BCLAF3: variants seen among roughly 807,000 people sequenced by gnomAD.
BCLAF3 encodes the protein transient octamer binding factor 1.
Under a neutral mutation model 51.2 loss-of-function variants are expected in BCLAF3, and 24 were observed. That is an observed-to-expected ratio of 0.47 (90% confidence interval 0.34 to 0.66). The LOEUF (loss-of-function observed/expected upper bound fraction) is 0.66. Among genes scored for constraint, BCLAF3 ranks in the 30% least tolerant of loss-of-function variants. BCLAF3 has a pLI of 0.01. For missense variants in BCLAF3, 465 were observed against 525.1 expected (o/e 0.89, Z 1.12); for synonymous variants, 152 against 176.6 (o/e 0.86, Z 1.10).
intron 8 of BCLAF3, among the ~76,000 whole-genome samples, chrX:19,941,042 T>C (rs1325996391): frequency 3.6e-4 from 40 of 111,011 alleles, no homozygotes; most frequent in African/African-American, 1.2e-3. Flanking sequence ...CATTTTTTCA[T>C]GTGTTTTTTG....
At chrX:19,933,905 G>A (rs1212441002) in intron 10 of BCLAF3, among the ~76,000 whole-genome samples, 2 of 110,939 alleles carry the variant, frequency 1.8e-5, no homozygotes, top group African/African-American at 6.6e-5. Flanking sequence ...TGAGTAGCTG[G>A]GACTACAGTA....
At chrX:19,959,272 C>T (rs1024206522) in intron 4 of BCLAF3, among the ~76,000 whole-genome samples, 3 of 111,744 alleles carry the variant, frequency 2.7e-5, no homozygotes, top group African/African-American at 9.8e-5. Flanking sequence ...TGGTACCACC[C>T]ATCTTCTGCT....
At chrX:19,922,033 A>G (rs149450311) in intron 11 of BCLAF3, among the ~76,000 whole-genome samples, 5,663 of 110,893 alleles carry the variant, frequency 0.051, 377 homozygotes, top group African/African-American at 0.18. Context: ...AAAAATAATA[A>G]AATGAATAAT....
chrX:19,922,398 T>C (rs1365644109), intron 11 of BCLAF3, among the ~76,000 whole-genome samples: 1 of 111,873 alleles, frequency 8.9e-6, no homozygotes, highest in Non-Finnish European at 1.9e-5. Flanking sequence ...TTGAATACTA[T>C]ATTATTCTAC....
Position 19,955,375 on chromosome X carries a change from T to C in BCLAF3, c.1450+16A>G, listed in dbSNP as rs374228333. On this transcript the variant is annotated intron_variant, in intron 5 of 11. Transcript: ENST00000379682. The stretch of plus-strand genomic sequence containing the variant: ...ACTTTTGTGTTATCCCTAACGTATG[T>C]GCAAAATATACCAACCTTTAACTTG... 1 of 1,174,051 alleles carries C rather than the reference T, an allele frequency of 8.5e-7. No homozygotes were observed. Among genetic ancestry groups the C allele is most frequent in the African/African-American group, 1.8e-5 (1 of 55,853 alleles).
At chrX:19,923,082 A>C (rs2070227720) in intron 11 of BCLAF3, 1 of 112,123 alleles carries the variant, frequency 8.9e-6, no homozygotes, top group South Asian at 3.6e-4. Flanking sequence ...AACAGTTTTA[A>C]GACTGTCAGT....
At chrX:19,922,773 G>A (rs1023562978) in intron 11 of BCLAF3, among the ~76,000 whole-genome samples, 7 of 110,595 alleles carry the variant, frequency 6.3e-5, no homozygotes, top group Non-Finnish European at 1.1e-4. Context: ...TGTGGCATGC[G>A]CCTGTTGTAC....
intron 8 of BCLAF3, among the ~76,000 whole-genome samples, chrX:19,941,797 A>C (rs1405256871): frequency 2.1e-5 from 2 of 93,220 alleles, no homozygotes; most frequent in Non-Finnish European, 4.2e-5. Flanking sequence ...AGTTTTTTCC[A>C]ATTCTGTGAA....
At chrX:19,947,740 C>T (rs1378205219) in intron 8 of BCLAF3, among the ~76,000 whole-genome samples, 3 of 111,765 alleles carry the variant, frequency 2.7e-5, no homozygotes, top group Non-Finnish European at 5.6e-5. Flanking sequence ...TTCATTCATT[C>T]AACAAATATG....
At chrX:19,927,024 C>T (rs946290406) in intron 11 of BCLAF3, among the ~76,000 whole-genome samples, 4 of 111,085 alleles carry the variant, frequency 3.6e-5, no homozygotes, top group Non-Finnish European at 7.5e-5. Context: ...GTCAGGAGTT[C>T]GAGACCAACC....
intron 1 of BCLAF3, among the ~76,000 whole-genome samples, chrX:19,986,378 C>CT (rs1264109716): frequency 3.6e-5 from 4 of 112,099 alleles, no homozygotes; most frequent in Non-Finnish European, 5.6e-5. Context: ...ACAGGGAATT[C>CT]TACCAAATCT....
At chrX:19,956,258 T>C (rs2071659710) in intron 4 of BCLAF3, among the ~76,000 whole-genome samples, 1 of 111,967 alleles carries the variant, frequency 8.9e-6, no homozygotes, top group Non-Finnish European at 1.9e-5. Flanking sequence ...TTATAACTTT[T>C]GTTAAGAGCT....
chrX:19,965,169 GCT>G lies in BCLAF3; in HGVS notation c.1147_1148del (p.Ser383GlnfsTer5). On this transcript the variant is annotated frameshift_variant, in exon 4 of 12. Transcript: ENST00000379682. LOFTEE classifies it high-confidence loss of function. Reference sequence around the variant, plus strand: ...TATCAAGTTGGTTACTGGAAGAATTGCTCTCTTTTCTACAATCCCCTTCTTTC... The same window carrying G: ...TATCAAGTTGGTTACTGGAAGAATTGCTCTTTTCTACAATCCCCTTCTTTC... ...IKKEGDCRKE[S>X]NSSSNQLDKS... 8.3e-7 allele frequency: 1 copy of G among 1,207,442 alleles called. No individual in the cohort carries two copies. Among genetic ancestry groups the G allele is most frequent in the Non-Finnish European group, 1.1e-6 (1 of 894,399 alleles).
intron 3 of BCLAF3, 39 bp downstream of exon 3, chrX:19,966,041 C>T: frequency 1.8e-6 from 2 of 1,108,816 alleles, no homozygotes; most frequent in Admixed American, 2.7e-5. Flanking sequence ...TCACTTGAGG[C>T]TTTATACCAA....
intron 1 of BCLAF3, among the ~76,000 whole-genome samples, chrX:19,979,871 A>T (rs1315578810): frequency 1.8e-5 from 2 of 110,479 alleles, no homozygotes; most frequent in Non-Finnish European, 3.8e-5. Flanking sequence ...GAAGGCTGGC[A>T]TGAAAACAAC....
In BCLAF3 at chrX:19,915,439, T is replaced by C. The variant is rs907391426; in HGVS notation, c.*1866A>G. 1 of 112,248 alleles carries C rather than the reference T, an allele frequency of 8.9e-6. No individual in the cohort carries two copies. Among genetic ancestry groups the C allele is most frequent in the East Asian group, 2.8e-4 (1 of 3,616 alleles). 9.3% of individuals were successfully genotyped at this position (112,248 alleles called of 1,213,427 possible). ...TAGATCTTATACACACAATGTTTTC[T>C]GCACAGGTATTTTGCAGATAACACG... On this transcript the variant is annotated 3_prime_UTR_variant, in exon 12 of 12. Transcript: ENST00000379682.
At chrX:19,955,366 T>G (rs1319467440) in intron 5 of BCLAF3, 25 bp downstream of exon 5, 1 of 1,153,024 alleles carries the variant, frequency 8.7e-7, no homozygotes, top group Non-Finnish European at 1.2e-6. Flanking sequence ...GTGTTATCCC[T>G]AACGTATGTG....
chrX:19,938,315 G>A (rs1050203885), intron 8 of BCLAF3, among the ~76,000 whole-genome samples: 1 of 110,776 alleles, frequency 9.0e-6, no homozygotes, highest in African/African-American at 3.3e-5. Context: ...ACTCCTCATC[G>A]TGACCCCCCA....
At chrX:19,957,111 T>A (rs141089532) in intron 4 of BCLAF3, among the ~76,000 whole-genome samples, 4,510 of 111,522 alleles carry the variant, frequency 0.04, 153 homozygotes, top group African/African-American at 0.1. Context: ...GTTGCCAGGG[T>A]CAACTCCCTG....
Sources: gnomAD v4.1 joint callset for allele counts (sites outside exome capture counted in the v4.1 genomes callset) on GRCh38, gnomAD v4.1.1 for gene constraint, MANE v1.5 for transcripts, NCBI Gene and HGNC (gene_info 2026-07-23, HGNC 2026-07-21) for gene names.